SLC27A6: variants seen among roughly 807,000 people sequenced by gnomAD.
SLC27A6 encodes solute carrier family 27 member 6, also known as long-chain fatty acid transport protein 6.
A neutral mutation model predicts 63.9 loss-of-function variants in SLC27A6; 74 were observed. That is an observed-to-expected ratio of 1.16 (90% CI 0.96 to 1.40). The LOEUF is 1.40. Ranked by LOEUF, SLC27A6 falls within the 40% of genes most tolerant of loss-of-function variation. The probability of loss-of-function intolerance (pLI) is 0.00; values close to 1 mark genes in which losing one functional copy is unlikely to be tolerated. For missense variants in SLC27A6, 794 were observed against 732.9 expected (o/e 1.08, Z -0.96); for synonymous variants, 287 against 260.8 (o/e 1.10, Z -0.97).
intron 5 of SLC27A6, among the ~76,000 whole-genome samples, chr5:129,019,653 G>A (rs1752012795): frequency 6.6e-6 from 1 of 151,616 alleles, no homozygotes; most frequent in South Asian, 2.1e-4. Context: ...TAAAAAGTAA[G>A]CACGCTCAGC....
chr5:128,995,337 C>G (rs930430622), intron 4 of SLC27A6, among the ~76,000 whole-genome samples: 1 of 152,106 alleles, frequency 6.6e-6, no homozygotes, highest in Non-Finnish European at 1.5e-5. Flanking sequence ...TTCATTCATT[C>G]ATTCAAGTAA....
At chr5:128,988,067 G>A (rs1353958406) in intron 2 of SLC27A6, among the ~76,000 whole-genome samples, 1 of 152,042 alleles carries the variant, frequency 6.6e-6, no homozygotes, top group Non-Finnish European at 1.5e-5. Context: ...TGCATCCAAA[G>A]GATAAGAAAT....
At chr5:128,968,852 G>C (rs779594862) in intron 1 of SLC27A6, among the ~76,000 whole-genome samples, 34 of 152,166 alleles carry the variant, frequency 2.2e-4, no homozygotes, top group Non-Finnish European at 3.1e-4. Context: ...CCTATGTCCT[G>C]AATGGTATTG....
chr5:129,014,968 T>C (rs893334149), intron 4 of SLC27A6, among the ~76,000 whole-genome samples: 18 of 152,210 alleles, frequency 1.2e-4, no homozygotes, highest in Middle Eastern at 3.2e-3. Context: ...ACCATTTAAA[T>C]GGTGTTTAGA....
chr5:128,988,659 T>C lies in SLC27A6; in HGVS notation c.745T>C (p.Trp249Arg). 1 of 1,614,054 alleles carries C rather than the reference T, an allele frequency of 6.2e-7. No individual in the cohort carries two copies. The highest frequency in any genetic ancestry group is 8.5e-7 in the Non-Finnish European group (1 of 1,179,936). ...LQVLRGSAVL[W>R]AFGCTAHDIV... Reference sequence around the variant, plus strand: ...GGTTTTAAGGGGTTCTGCTGTCCTGTGGGCTTTTGGTTGTACTGCTCATGA... The same window carrying C: ...GGTTTTAAGGGGTTCTGCTGTCCTGCGGGCTTTTGGTTGTACTGCTCATGA... The change falls in exon 3 of 10, where the codon TGG (tryptophan) becomes CGG (arginine). Residue 249 changes from tryptophan (W) to arginine (R), a missense_variant. Trp to Arg is a moderately radical substitution (Grantham distance 101). Transcript: ENST00000262462.
chr5:128,968,544 G>C (rs1750003244), intron 1 of SLC27A6, among the ~76,000 whole-genome samples: 1 of 152,122 alleles, frequency 6.6e-6, no homozygotes, highest in South Asian at 2.1e-4. Flanking sequence ...GTGTCTGTTG[G>C]CTACATAAAT....
chr5:128,974,133 T>A (rs1412285121), intron 1 of SLC27A6, among the ~76,000 whole-genome samples: 1 of 152,262 alleles, frequency 6.6e-6, no homozygotes, highest in Non-Finnish European at 1.5e-5. Flanking sequence ...TAGGACTGGC[T>A]ACTTCTCAAG....
chr5:128,984,885 G>A (rs548919808), intron 1 of SLC27A6, among the ~76,000 whole-genome samples: 1 of 152,228 alleles, frequency 6.6e-6, no homozygotes, highest in African/African-American at 2.4e-5. Context: ...TTTGAATAAT[G>A]GAGTCTCTTA....
chr5:129,023,186 G>GA (rs1272609664), intron 5 of SLC27A6, among the ~76,000 whole-genome samples: 1 of 151,698 alleles, frequency 6.6e-6, no homozygotes, highest in African/African-American at 2.4e-5. Context: ...ATACTGTGAG[G>GA]AAAAAATAAC....
chr5:129,028,882 G>A (rs1237455755), intron 8 of SLC27A6, among the ~76,000 whole-genome samples: 2 of 151,878 alleles, frequency 1.3e-5, no homozygotes, highest in African/African-American at 4.8e-5. Flanking sequence ...TATCCTTATA[G>A]TTATGCATAT....
Position 128,988,750 on chromosome 5 carries a change from T to C in SLC27A6, c.836T>C (p.Val279Ala), listed in dbSNP as rs747104431. 22 of 1,610,648 alleles carry C rather than the reference T, an allele frequency of 1.4e-5. No individual in the cohort carries two copies. The highest frequency in any genetic ancestry group is 1.9e-5 in the Non-Finnish European group (22 of 1,178,898). Residue 279 changes from valine (V) to alanine (A), a missense_variant, in exon 3 of 10, where the codon GTT becomes GCT. Coordinates refer to ENST00000262462, the MANE Select transcript of SLC27A6 (RefSeq NM_001017372.3). ...GCTATCCTGGGAATTTCTGGATGTG[T>C]TGAGTTGGGTAAGGCTTTATTTTCT... is the stretch of plus-strand genomic sequence containing the variant. ...SAAILGISGC[V>A]ELGATCVLKK...
At position 128,967,752 on chromosome 5, in the gene SLC27A6, CTTAT is replaced by C. The variant is rs1431785547; in HGVS notation, c.481+1140_481+1143del. 5.7e-5 allele frequency among the ~76,000 whole-genome samples: 8 copies of C among 141,044 alleles called. No homozygotes were observed. In the South Asian group the frequency reaches 8.8e-4, roughly 15 times the overall value. 92.5% of individuals were successfully genotyped at this position (141,044 alleles called of 152,430 possible). Reference sequence around the variant, plus strand: ...ATAAAGTGGCAAATGTATACTTTTTCTTATTTATTATTATTTTTTATTATTATAC... The same window carrying C: ...ATAAAGTGGCAAATGTATACTTTTTCTTATTATTATTTTTTATTATTATAC... On this transcript the variant is annotated intron_variant, in intron 1 of 9. Transcript: ENST00000262462.
chr5:128,979,405 A>T (rs1299814888), intron 1 of SLC27A6, among the ~76,000 whole-genome samples: 1 of 152,170 alleles, frequency 6.6e-6, no homozygotes, highest in Non-Finnish European at 1.5e-5. Flanking sequence ...TCTACTGTTA[A>T]TAACAAAGAG....
intron 1 of SLC27A6, among the ~76,000 whole-genome samples, chr5:128,969,196 G>A (rs966957405): frequency 3.3e-5 from 5 of 152,152 alleles, no homozygotes; most frequent in African/African-American, 7.2e-5. Flanking sequence ...GTCAGGTATC[G>A]TGATGCCTCC....
chr5:128,990,470 CGT>C lies in SLC27A6; in HGVS notation c.969+7_969+8del, dbSNP rs1367976329. ...ACCTTTGCAAACAATCTAAGGTAGG[CGT>C]AATCATTATCAGAAAAAAATATGTC... On this transcript the variant is annotated splice_region_variant and intron_variant, in intron 4 of 9. Coordinates refer to ENST00000262462, the MANE Select transcript of SLC27A6 (RefSeq NM_001017372.3). The C allele has an allele frequency of 6.3e-7, 1 of 1,595,268 alleles. No homozygotes were observed. The highest frequency in any genetic ancestry group is 1.4e-5 in the African/African-American group (1 of 72,858).
chr5:129,012,430 A>G (rs576601096), intron 4 of SLC27A6, among the ~76,000 whole-genome samples: 15 of 152,258 alleles, frequency 9.9e-5, no homozygotes, highest in African/African-American at 3.4e-4. Flanking sequence ...TTGAAAAAAA[A>G]TGTGTACTCT....
At chr5:128,975,975 T>C (rs1359991241) in intron 1 of SLC27A6, among the ~76,000 whole-genome samples, 1 of 152,130 alleles carries the variant, frequency 6.6e-6, no homozygotes, top group Non-Finnish European at 1.5e-5. Flanking sequence ...AAACTTCCTA[T>C]TAAAATCAAT....
intron 5 of SLC27A6, among the ~76,000 whole-genome samples, chr5:129,022,194 CAAT>C (rs1464744695): frequency 1.3e-5 from 2 of 152,126 alleles, no homozygotes; most frequent in African/African-American, 2.4e-5. Flanking sequence ...TCTAGAATAA[CAAT>C]ATATTTGCTT....
At chr5:129,028,030 A>G (rs1330954444) in intron 7 of SLC27A6, among the ~76,000 whole-genome samples, 2 of 152,060 alleles carry the variant, frequency 1.3e-5, no homozygotes, top group Non-Finnish European at 2.9e-5. Context: ...AATGTTTCAC[A>G]CTTCATTGTT....
Sources: gnomAD v4.1 joint callset for allele counts (sites outside exome capture counted in the v4.1 genomes callset) on GRCh38, gnomAD v4.1.1 for gene constraint, MANE v1.5 for transcripts, NCBI Gene and HGNC (gene_info 2026-07-23, HGNC 2026-07-21) for gene names.